The following UVRAG variants were observed in gnomAD, a reference collection of about 807,000 sequenced individuals.
UVRAG encodes the protein UV radiation resistance-associated gene protein.
A neutral mutation model predicts 78.0 loss-of-function variants in UVRAG; 19 were observed. The observed-to-expected ratio is 0.24, with a 90% CI of 0.17 to 0.36. The LOEUF (loss-of-function observed/expected upper bound fraction) is 0.36, where lower values mean the gene tolerates loss of function less well. Among genes scored for constraint, UVRAG ranks in the 10% least tolerant of loss-of-function variants. The pLI is 1.00. For synonymous variants in UVRAG, 323 were observed against 324.6 expected, an observed-to-expected ratio of 1.00 and a Z score of 0.05; for missense variants, 740 against 853.8, an observed-to-expected ratio of 0.87 and a Z score of 1.66.
chr11:76,082,054 T>C (rs553586186), intron 13 of UVRAG, among the ~76,000 whole-genome samples: 13 of 152,008 alleles, frequency 8.6e-5, no homozygotes, highest in Non-Finnish European at 1.0e-4. Flanking sequence ...GGGTAGTGAC[T>C]AACTACCTCT....
intron 13 of UVRAG, among the ~76,000 whole-genome samples, chr11:76,112,962 T>G (rs886572460): frequency 2.0e-5 from 3 of 152,108 alleles, no homozygotes; most frequent in African/African-American, 7.2e-5. Flanking sequence ...TCCACCCGCC[T>G]CAGCTTCCCA....
chr11:76,101,636 C>T (rs971566022), intron 13 of UVRAG, among the ~76,000 whole-genome samples: 5 of 151,994 alleles, frequency 3.3e-5, no homozygotes, highest in African/African-American at 2.4e-5. Flanking sequence ...TTGGTGTCTT[C>T]GTCATGAAAC....
chr11:76,113,794 T>G (rs543642712), intron 13 of UVRAG, among the ~76,000 whole-genome samples: 15 of 152,236 alleles, frequency 9.9e-5, no homozygotes, highest in African/African-American at 3.6e-4. Flanking sequence ...AGGAAGAAGG[T>G]TGGAAAGATG....
chr11:76,035,849 A>G (rs1166869341), intron 12 of UVRAG, among the ~76,000 whole-genome samples: 1 of 152,230 alleles, frequency 6.6e-6, no homozygotes, highest in Non-Finnish European at 1.5e-5. Context: ...CAGAGATAAC[A>G]AAAATCGCCT....
chr11:75,992,426 A>C (rs1246613272), intron 8 of UVRAG, among the ~76,000 whole-genome samples: 1 of 152,180 alleles, frequency 6.6e-6, no homozygotes, highest in East Asian at 1.9e-4. Flanking sequence ...GATGAGAATT[A>C]CTTTGTATTC....
At position 75,815,443 on chromosome 11, in the gene UVRAG, C is replaced by T; in HGVS notation, c.36C>T (p.Pro12=). Residue 12 remains proline (P), a synonymous_variant, in exon 1 of 15, where the codon CCC becomes CCT. Coordinates refer to ENST00000356136, the MANE Select transcript of UVRAG (RefSeq NM_003369.4). ...SASASVGGPV[P]QPPPGPAAAL... ...CCGCGTCGGTCGGGGGCCCCGTCCC[C>T]CAGCCACCCCCGGGCCCGGCCGCTG... 4 of 1,247,986 alleles carry T rather than the reference C, an allele frequency of 3.2e-6. No individual in the cohort carries two copies. Among genetic ancestry groups the T allele is most frequent in the Non-Finnish European group, 4.0e-6 (4 of 995,618 alleles). 77.3% of individuals were successfully genotyped at this position (1,247,986 alleles called of 1,614,324 possible). A position where few individuals can be genotyped will look rare whatever the true frequency, so the allele number is the denominator to read the frequency against.
chr11:76,097,835 A>G (rs1029511148), intron 13 of UVRAG, among the ~76,000 whole-genome samples: 1 of 152,164 alleles, frequency 6.6e-6, no homozygotes, highest in African/African-American at 2.4e-5. Flanking sequence ...TGTTAAACAT[A>G]TATATGGATG....
intron 7 of UVRAG, among the ~76,000 whole-genome samples, chr11:75,975,899 CTG>C (rs1949228400): frequency 1.3e-5 from 2 of 152,178 alleles, no homozygotes; most frequent in South Asian, 4.1e-4. Flanking sequence ...ACTTCCAACA[CTG>C]TGTTGAATAG....
intron 5 of UVRAG, among the ~76,000 whole-genome samples, chr11:75,891,592 T>C (rs535971808): frequency 1.3e-5 from 2 of 152,302 alleles, no homozygotes; most frequent in East Asian, 3.9e-4. Flanking sequence ...CAATAACTAA[T>C]ACTCCTTTCT....
intron 6 of UVRAG, among the ~76,000 whole-genome samples, chr11:75,939,643 C>A (rs1313559765): frequency 6.6e-6 from 1 of 152,036 alleles, no homozygotes; most frequent in Non-Finnish European, 1.5e-5. Context: ...AAGTGTTCAC[C>A]CCCTTCAGAT....
chr11:75,819,245 G>A (rs1565328184), intron 1 of UVRAG, among the ~76,000 whole-genome samples: 2 of 152,198 alleles, frequency 1.3e-5, no homozygotes, highest in Non-Finnish European at 2.9e-5. Flanking sequence ...GACTGTGTCA[G>A]ATGGGACTAC....
intron 4 of UVRAG, among the ~76,000 whole-genome samples, chr11:75,885,957 C>G (rs187155855): frequency 8.5e-5 from 13 of 152,182 alleles, no homozygotes; most frequent in Admixed American, 6.5e-4. Context: ...TTATGACACT[C>G]ATGCAAGGTA....
chr11:75,824,962 C>T (rs1023537113), intron 1 of UVRAG, among the ~76,000 whole-genome samples: 6 of 151,322 alleles, frequency 4.0e-5, no homozygotes, highest in East Asian at 2.0e-4. Flanking sequence ...CGTGAGCCAG[C>T]GCGCCCGGCC....
chr11:76,111,687 G>A (rs1700962742), intron 13 of UVRAG, among the ~76,000 whole-genome samples: 1 of 152,072 alleles, frequency 6.6e-6, no homozygotes. Flanking sequence ...AAAAACAGAG[G>A]CAGCAATGAA....
intron 14 of UVRAG, among the ~76,000 whole-genome samples, chr11:76,125,624 G>C (rs779550353): frequency 9.2e-5 from 14 of 152,128 alleles, no homozygotes; most frequent in Non-Finnish European, 1.3e-4. Flanking sequence ...TGGGTATCCC[G>C]GCGCCGCCTC....
At chr11:76,002,223 A>G (rs776107096) in intron 8 of UVRAG, among the ~76,000 whole-genome samples, 5 of 152,196 alleles carry the variant, frequency 3.3e-5, no homozygotes, top group Non-Finnish European at 5.9e-5. Context: ...GTTCTTCTCT[A>G]TCTGAGCCTA....
intron 1 of UVRAG, among the ~76,000 whole-genome samples, chr11:75,827,339 C>T (rs993430211): frequency 3.3e-5 from 5 of 152,064 alleles, no homozygotes; most frequent in Admixed American, 6.5e-5. Context: ...GGGCGGGGCG[C>T]GGTGGCTCAT....
intron 13 of UVRAG, among the ~76,000 whole-genome samples, chr11:76,099,696 T>C (rs1951846541): frequency 6.6e-6 from 1 of 152,124 alleles, no homozygotes; most frequent in African/African-American, 2.4e-5. Context: ...ATTTTGGTTA[T>C]GTTTATTTCC....
chr11:76,140,718 C>T lies in UVRAG; in HGVS notation c.1405C>T (p.His469Tyr). ...TTTTTGTTTCTCTTCTAGTGACAGA[C>T]ATCACACCTCCAGTGCAATCCCTGT... ...EHGLMVRCDR[H>Y]HTSSAIPVPK... Residue 469 changes from histidine to tyrosine, a missense_variant, in exon 15 of 15, where the codon CAT becomes TAT. By Grantham distance (83) the His-to-Tyr change is moderately conservative. Coordinates refer to ENST00000356136, the MANE Select transcript of UVRAG (RefSeq NM_003369.4). 1 of 1,575,556 alleles carries T rather than the reference C, an allele frequency of 6.3e-7. No homozygotes were observed. Among genetic ancestry groups the T allele is most frequent in the Non-Finnish European group, 8.6e-7 (1 of 1,163,592 alleles).
Sources: gnomAD v4.1 joint callset for allele counts (sites outside exome capture counted in the v4.1 genomes callset) on GRCh38, gnomAD v4.1.1 for gene constraint, MANE v1.5 for transcripts, NCBI Gene and HGNC (gene_info 2026-07-23, HGNC 2026-07-21) for gene names.